MGAT4C: variants seen among roughly 807,000 people sequenced by gnomAD.
The protein encoded by MGAT4C is MGAT4 family member C, also known as alpha-1,3-mannosyl-glycoprotein 4-beta-N-acetylglucosaminyltransferase C.
A neutral mutation model predicts 40.1 loss-of-function variants in MGAT4C; 19 were observed. The observed-to-expected ratio is 0.47, with a 90% confidence interval of 0.33 to 0.70. The LOEUF (loss-of-function observed/expected upper bound fraction) is 0.70, where lower values mean the gene tolerates loss of function less well. Ranked by LOEUF, MGAT4C falls within the 30% of genes least tolerant of loss-of-function variation. MGAT4C has a pLI of 0.02. For missense variants in MGAT4C, 491 were observed against 563.2 expected, an observed-to-expected ratio of 0.87 and a Z score of 1.30; for synonymous variants, 181 against 187.1, an observed-to-expected ratio of 0.97 and a Z score of 0.27.
At chr12:86,443,272 A>T (rs989322338) in intron 2 of MGAT4C, among the ~76,000 whole-genome samples, 10 of 152,028 alleles carry the variant, frequency 6.6e-5, no homozygotes, top group African/African-American at 2.4e-4. Flanking sequence ...TTATAGTTTC[A>T]TGTTATTACA....
chr12:86,242,295 G>A (rs767674760), intron 1 of MGAT4C, among the ~76,000 whole-genome samples: 1 of 152,112 alleles, frequency 6.6e-6, no homozygotes, highest in Non-Finnish European at 1.5e-5. Flanking sequence ...GCAATGCAAA[G>A]GTGTGTAAGA....
chr12:86,060,965 C>G (rs919141322), intron 1 of MGAT4C, among the ~76,000 whole-genome samples: 2 of 152,000 alleles, frequency 1.3e-5, no homozygotes, highest in Non-Finnish European at 2.9e-5. Context: ...ATCATTTCAC[C>G]CAGTTTTTTC....
intron 2 of MGAT4C, among the ~76,000 whole-genome samples, chr12:86,572,901 G>A (rs764613189): frequency 9.9e-5 from 15 of 151,834 alleles, no homozygotes; most frequent in Non-Finnish European, 1.3e-4. Context: ...TAAGAATAGC[G>A]GACACCTTGA....
rs538144576 is a variant in MGAT4C, at chr12:86,023,631, ATATT to A, written c.-7+26039_-7+26042del. Among the ~76,000 whole-genome samples, 25 of 148,986 alleles carry A rather than the reference ATATT, an allele frequency of 1.7e-4. 1 individual carries two copies. The South Asian group carries it at 5.0e-3, about 30-fold the overall frequency. ...GTAATCATATGTTTATATTTTACAA[ATATT>A]TATTATTATATAAATATAATAAAAT... On this transcript the variant is annotated intron_variant, in intron 2 of 4. Transcript: ENST00000611864.
At chr12:86,178,910 A>T (rs1887786448) in intron 1 of MGAT4C, among the ~76,000 whole-genome samples, 1 of 152,080 alleles carries the variant, frequency 6.6e-6, no homozygotes, top group Admixed American at 6.6e-5. Flanking sequence ...CACCTTTATA[A>T]GATTCTGTTT....
intron 3 of MGAT4C, among the ~76,000 whole-genome samples, chr12:86,369,594 G>C (rs905314526): frequency 6.6e-6 from 1 of 151,960 alleles, no homozygotes; most frequent in South Asian, 2.1e-4. Context: ...ATCACATGCA[G>C]TAATTCTGCA....
intron 1 of MGAT4C, among the ~76,000 whole-genome samples, chr12:86,799,884 C>T (rs899588903): frequency 2.0e-5 from 3 of 151,782 alleles, no homozygotes; most frequent in Admixed American, 6.6e-5. Context: ...TTTTGTGTCT[C>T]TCTTGAATTT....
intron 1 of MGAT4C, among the ~76,000 whole-genome samples, chr12:86,745,806 T>C (rs943477494): frequency 2.6e-5 from 4 of 151,656 alleles, no homozygotes; most frequent in Non-Finnish European, 5.9e-5. Flanking sequence ...AATCAAGATA[T>C]GGAATGACTG....
chr12:86,499,301 T>C (rs2136332022), intron 2 of MGAT4C, among the ~76,000 whole-genome samples: 1 of 151,638 alleles, frequency 6.6e-6, no homozygotes, highest in African/African-American at 2.4e-5. Context: ...ATTTGGTTAT[T>C]TATATCTGAT....
intron 2 of MGAT4C, among the ~76,000 whole-genome samples, chr12:86,039,860 T>G (rs939334019): frequency 6.6e-6 from 1 of 152,216 alleles, no homozygotes; most frequent in Non-Finnish European, 1.5e-5. Context: ...CTTTGTGGAT[T>G]TATCTACCTT....
At chr12:86,764,647 G>A (rs1462134965) in intron 1 of MGAT4C, among the ~76,000 whole-genome samples, 2 of 149,140 alleles carry the variant, frequency 1.3e-5, no homozygotes, top group African/African-American at 5.0e-5. Flanking sequence ...TCACACGGCC[G>A]GGTACTCCTC....
intron 2 of MGAT4C, among the ~76,000 whole-genome samples, chr12:86,603,135 C>T (rs535631500): frequency 4.7e-5 from 7 of 149,568 alleles, no homozygotes; most frequent in Admixed American, 3.4e-4. Context: ...TTAGCAAAAG[C>T]GTACAAAGTT....
intron 3 of MGAT4C, among the ~76,000 whole-genome samples, chr12:86,366,241 T>C (rs1955593360): frequency 6.6e-6 from 1 of 152,254 alleles, no homozygotes; most frequent in Admixed American, 6.5e-5. Context: ...ACATTGATTT[T>C]GCATCCTGAA....
At chr12:86,706,975 A>G (rs1451201913) in intron 2 of MGAT4C, among the ~76,000 whole-genome samples, 1 of 152,176 alleles carries the variant, frequency 6.6e-6, no homozygotes. Context: ...TGCACAAGCT[A>G]TCTCTCTTTG....
chr12:86,135,448 ATG>A lies in MGAT4C; in HGVS notation c.-56-85727_-56-85726del, dbSNP rs200112386. ...AGCCATATGACTATCAGGGGAGAGT[ATG>A]TGCGTGATCTTATTTGTAAGGTTTC... On this transcript the variant is annotated intron_variant, in intron 1 of 4. Transcript: ENST00000611864. Among the ~76,000 whole-genome samples the A allele has an allele frequency of 5.0e-3, 764 of 152,260 alleles. 5 individuals carry two copies. The highest frequency in any genetic ancestry group is 0.018 in the African/African-American group (728 of 41,552).
intron 2 of MGAT4C, among the ~76,000 whole-genome samples, chr12:86,491,730 T>A (rs1289454788): frequency 6.6e-6 from 1 of 150,424 alleles, no homozygotes; most frequent in African/African-American, 2.4e-5. Flanking sequence ...CTTTGAAAAC[T>A]GGCACAAGAC....
At chr12:86,111,762 C>T (rs1254182383) in intron 1 of MGAT4C, among the ~76,000 whole-genome samples, 8 of 151,662 alleles carry the variant, frequency 5.3e-5, no homozygotes, top group Non-Finnish European at 8.9e-5. Context: ...TCAAGGGGAC[C>T]GCACTTACTT....
intron 2 of MGAT4C, among the ~76,000 whole-genome samples, chr12:86,609,886 G>T (rs1451591058): frequency 1.3e-5 from 2 of 151,772 alleles, no homozygotes; most frequent in Non-Finnish European, 2.9e-5. Context: ...CCAGGTGATT[G>T]TCTTCCCTCC....
At chr12:86,380,570 G>A (rs1305916217) in intron 3 of MGAT4C, among the ~76,000 whole-genome samples, 2 of 152,080 alleles carry the variant, frequency 1.3e-5, no homozygotes, top group Non-Finnish European at 2.9e-5. Context: ...TCTCTTCCAT[G>A]CCTAAAAGAA....
Sources: allele counts gnomAD v4.1 joint callset (sites outside exome capture counted in the v4.1 genomes callset), GRCh38; gene constraint gnomAD v4.1.1; transcripts MANE v1.5; gene names NCBI Gene and HGNC (gene_info 2026-07-23, HGNC 2026-07-21).